Variants in SCML4 observed in about 807,000 individuals in gnomAD.
SCML4 encodes sex comb on midleg-like protein 4.
Under a neutral mutation model 41.1 loss-of-function variants are expected in SCML4, and 34 were observed. The ratio of observed to expected loss-of-function variants is 0.83; its 90% confidence interval spans 0.63 to 1.10. SCML4 has a LOEUF of 1.10. SCML4 is among the 50% of genes least tolerant of loss of function. SCML4 has a pLI of 0.00. For missense variants in SCML4, 522 were observed against 534.1 expected (o/e 0.98, Z 0.22); for synonymous variants, 214 against 220.9 (o/e 0.97, Z 0.28).
intron 1 of SCML4, among the ~76,000 whole-genome samples, chr6:107,804,888 C>T (rs1469690079): frequency 7.9e-5 from 12 of 152,106 alleles, no homozygotes; most frequent in African/African-American, 2.4e-4. Context: ...GAGGATCTCT[C>T]GAGGCCTGGA....
In SCML4 at chr6:107,707,160, G is replaced by T. The variant is rs1416282774; in HGVS notation, c.1119+706C>A. On this transcript the variant is annotated intron_variant, in intron 7 of 7. Transcript: ENST00000369020. Reference sequence around the variant, plus strand: ...TACTAAAAATATAAAAATTAGCTGGGCGTGGTGGTGGGTGCCTGTAATCCC... The same window carrying T: ...TACTAAAAATATAAAAATTAGCTGGTCGTGGTGGTGGGTGCCTGTAATCCC... Among the ~76,000 whole-genome samples the T allele has an allele frequency of 2.6e-5, 4 of 151,754 alleles. No homozygotes were observed. In the East Asian group the frequency reaches 5.9e-4, roughly 22 times the overall value.
chr6:107,794,224 G>A (rs1330959049), intron 1 of SCML4, among the ~76,000 whole-genome samples: 1 of 152,178 alleles, frequency 6.6e-6, no homozygotes, highest in African/African-American at 2.4e-5. Flanking sequence ...GGTTTGCACT[G>A]GATTGGATTG....
chr6:107,818,916 A>G (rs1347569833), intron 1 of SCML4, among the ~76,000 whole-genome samples: 1 of 152,210 alleles, frequency 6.6e-6, no homozygotes, highest in East Asian at 1.9e-4. Context: ...ACACCAGGGA[A>G]AAACATACTC....
At chr6:107,765,773 G>A (rs36046821) in intron 2 of SCML4, among the ~76,000 whole-genome samples, 2,265 of 152,226 alleles carry the variant, frequency 0.015, 50 homozygotes, top group African/African-American at 0.051. Context: ...TCCATATTCA[G>A]GGATGTGAAT....
intron 1 of SCML4, among the ~76,000 whole-genome samples, chr6:107,780,567 C>T (rs1430964971): frequency 6.6e-6 from 1 of 151,664 alleles, no homozygotes; most frequent in Non-Finnish European, 1.5e-5. Flanking sequence ...ATTAGCCTAG[C>T]GTGGTGGCAC....
intron 1 of SCML4, among the ~76,000 whole-genome samples, chr6:107,817,671 T>C (rs1784652731): frequency 6.6e-6 from 1 of 151,718 alleles, no homozygotes; most frequent in South Asian, 2.1e-4. Context: ...TTTTTTCTTA[T>C]TCTACTATCA....
At chr6:107,744,543 G>C (rs372705920) in intron 5 of SCML4, among the ~76,000 whole-genome samples, 115 of 152,322 alleles carry the variant, frequency 7.5e-4, no homozygotes, top group Middle Eastern at 3.4e-3. Flanking sequence ...CAGTTCTATA[G>C]CTCTAGTTTC....
intron 1 of SCML4, 39 bp from the exon 2 acceptor site, chr6:107,772,425 A>C: frequency 1.7e-6 from 2 of 1,205,154 alleles, no homozygotes; most frequent in Non-Finnish European, 2.3e-6. Context: ...ACAAAAACAG[A>C]AGGGTTTGTT....
chr6:107,733,128 G>C (rs1408253730), intron 5 of SCML4, among the ~76,000 whole-genome samples: 1 of 152,230 alleles, frequency 6.6e-6, no homozygotes, highest in African/African-American at 2.4e-5. Flanking sequence ...CCTTGTGAGA[G>C]ATTCAGAACC....
At chr6:107,831,206 T>A in the SCML4 span, among the ~76,000 whole-genome samples, 3 of 152,074 alleles carry the variant, frequency 2.0e-5, no homozygotes, top group African/African-American at 7.2e-5. Flanking sequence ...CTACATTTTT[T>A]AAAGTTCATG....
rs1217074544 is a variant in SCML4 at position 107,702,884 on chromosome 6, G to A, written c.*2316C>T. ...CATTCCCAGATGGCTAAAGCATTCT[G>A]AGTCACAGGATGAGACAGGAGGTCA... On this transcript the variant is annotated 3_prime_UTR_variant, in exon 8 of 8. Coordinates refer to ENST00000369020, the MANE Select transcript of SCML4 (RefSeq NM_198081.5). 1.3e-5 allele frequency among the ~76,000 whole-genome samples: 2 copies of A among 152,224 alleles called. No individual in the cohort carries two copies. Among genetic ancestry groups the A allele is most frequent in the African/African-American group, 4.8e-5 (2 of 41,452 alleles).
At chr6:107,806,573 G>A (rs1445788175) in intron 1 of SCML4, among the ~76,000 whole-genome samples, 2 of 152,218 alleles carry the variant, frequency 1.3e-5, no homozygotes, top group Admixed American at 1.3e-4. Flanking sequence ...CCACTACTCT[G>A]CACCGGGCCT....
intron 2 of SCML4, among the ~76,000 whole-genome samples, chr6:107,762,560 G>A (rs1170477475): frequency 6.6e-6 from 1 of 152,166 alleles, no homozygotes. Context: ...GAGGTCATAA[G>A]TCTGGGTCTT....
chr6:107,726,251 G>T (rs4946853), intron 5 of SCML4, among the ~76,000 whole-genome samples: 99 of 152,082 alleles, frequency 6.5e-4, no homozygotes, highest in Middle Eastern at 3.4e-3. Flanking sequence ...TATTCTAGCT[G>T]GGCTGGGCGC....
At chr6:107,774,092 A>T (rs773744461) in intron 1 of SCML4, among the ~76,000 whole-genome samples, 36 of 152,236 alleles carry the variant, frequency 2.4e-4, no homozygotes, top group Non-Finnish European at 4.7e-4. Context: ...AGAATTTTAA[A>T]GTATAAATTT....
chr6:107,789,038 C>T (rs1172000423), intron 1 of SCML4, among the ~76,000 whole-genome samples: 1 of 152,196 alleles, frequency 6.6e-6, no homozygotes, highest in Admixed American at 6.5e-5. Flanking sequence ...CAGCGTTGCT[C>T]CACCAGGGAC....
intron 1 of SCML4, among the ~76,000 whole-genome samples, chr6:107,784,707 A>G (rs967504760): frequency 6.6e-6 from 1 of 152,260 alleles, no homozygotes; most frequent in East Asian, 1.9e-4. Flanking sequence ...TGGCTCTGAT[A>G]TCCTCAGCTT....
At chr6:107,730,994 G>A (rs567575227) in intron 5 of SCML4, among the ~76,000 whole-genome samples, 1 of 152,284 alleles carries the variant, frequency 6.6e-6, no homozygotes, top group Admixed American at 6.5e-5. Context: ...GTTAGGTAAT[G>A]CCCCTGCATC....
At chr6:107,718,938 C>T (rs1448600275) in intron 6 of SCML4, 6 of 152,136 alleles carry the variant, frequency 3.9e-5, no homozygotes, top group African/African-American at 1.2e-4. Flanking sequence ...GACAAGAAGA[C>T]AAAGGGACAC....
Sources: gnomAD v4.1 joint callset for allele counts (sites outside exome capture counted in the v4.1 genomes callset) on GRCh38, gnomAD v4.1.1 for gene constraint, MANE v1.5 for transcripts, NCBI Gene and HGNC (gene_info 2026-07-23, HGNC 2026-07-21) for gene names.